The following CNOT1 variants were observed in gnomAD, a reference collection of about 807,000 sequenced individuals.
CNOT1 encodes CCR4-NOT transcription complex subunit 1.
In CNOT1, 15 loss-of-function variants were observed where a neutral mutation model predicts 273.8. The observed-to-expected ratio is 0.05, with a 90% CI of 0.04 to 0.08. CNOT1 has a LOEUF of 0.08. CNOT1 is among the 10% of genes least tolerant of loss of function. The pLI, the probability that CNOT1 is intolerant of heterozygous loss-of-function variation, is 1.00. For synonymous variants in CNOT1, 1,022 were observed against 1,005.5 expected, an observed-to-expected ratio of 1.02 and a Z score of -0.31; for missense variants, 1,644 against 2,912.2, an observed-to-expected ratio of 0.56 and a Z score of 10.02.
Position 58,559,155 on chromosome 16 carries a change from C to G in CNOT1, c.2131-481G>C, listed in dbSNP as rs181985583. Among the ~76,000 whole-genome samples the G allele has an allele frequency of 3.2e-3, 490 of 152,232 alleles. 2 individuals carry two copies. The highest frequency in any genetic ancestry group is 0.011 in the African/African-American group (466 of 41,544). On this transcript the variant is annotated intron_variant, in intron 17 of 48. Coordinates refer to ENST00000317147, the MANE Select transcript of CNOT1 (RefSeq NM_016284.5). ...TATGTTTTGACTCAACACGTAGCATCAGATCAGGTATGGAATTTTCTACTT... is the reference window on the plus strand; with the variant it reads ...TATGTTTTGACTCAACACGTAGCATGAGATCAGGTATGGAATTTTCTACTT...
At chr16:58,546,816 T>C (rs2040270428) in intron 27 of CNOT1, 67 bp from the exon 28 acceptor site, 5 of 1,595,404 alleles carry the variant, frequency 3.1e-6, no homozygotes, top group Non-Finnish European at 3.4e-6. Flanking sequence ...TTTAAAACAA[T>C]TCAATACAAC....
chr16:58,548,474 AT>A lies in CNOT1; in HGVS notation c.3523-793del, dbSNP rs1192832955. On this transcript the variant is annotated intron_variant, in intron 25 of 48. Transcript: ENST00000317147. ...TTTATGTATCCCAACCACCCTTGCT[AT>A]CAGATAATAAAAACGAAATAGAGCC... is the stretch of plus-strand genomic sequence containing the variant. 2 of 510,394 alleles carry A rather than the reference AT, an allele frequency of 3.9e-6. 1 individual carries two copies. The highest frequency in any genetic ancestry group is 6.5e-4 in the Middle Eastern group (2 of 3,092). The allele number at this position is 510,394 out of a possible 1,614,324, so 31.6% of individuals were successfully genotyped here. A position where few individuals can be genotyped will look rare whatever the true frequency, so the allele number is the denominator to read the frequency against.
intron 1 of CNOT1, among the ~76,000 whole-genome samples, chr16:58,604,621 T>TGA (rs1188507721): frequency 8.3e-6 from 1 of 120,858 alleles, no homozygotes; most frequent in Non-Finnish European, 1.7e-5. Context: ...ATCTCTGCTA[T>TGA]AAAAAAAAAA....
At chr16:58,613,149 G>A (rs919874309) in intron 1 of CNOT1, among the ~76,000 whole-genome samples, 8 of 151,936 alleles carry the variant, frequency 5.3e-5, no homozygotes, top group Non-Finnish European at 1.2e-4. Context: ...CTCCTGCCTC[G>A]GGATCCTAAG....
intron 1 of CNOT1, among the ~76,000 whole-genome samples, chr16:58,626,406 CAAAAAAAAAAAA>C (rs34556623): frequency 1.6e-4 from 10 of 60,982 alleles, no homozygotes; most frequent in South Asian, 1.7e-3. Flanking sequence ...GACTGCGTCT[CAAAAAAAAAAAA>C]AAAAAAAAAA....
At chr16:58,533,811 C>T (rs1389178406) in intron 40 of CNOT1, among the ~76,000 whole-genome samples, 1 of 151,800 alleles carries the variant, frequency 6.6e-6, no homozygotes, top group Non-Finnish European at 1.5e-5. Context: ...GGCGACAGAG[C>T]GAGACTCCAT....
chr16:58,545,621 G>T, intron 29 of CNOT1, 130 bp from the exon 30 acceptor site: 2 of 1,398,690 alleles, frequency 1.4e-6, no homozygotes, highest in Non-Finnish European at 1.9e-6. Flanking sequence ...GAAGGATGTA[G>T]CAGGTCCTAT....
chr16:58,564,783 TAA>T (rs1433932740), intron 16 of CNOT1, among the ~76,000 whole-genome samples: 3 of 151,870 alleles, frequency 2.0e-5, no homozygotes, highest in African/African-American at 7.3e-5. Flanking sequence ...TGCAAAAAAT[TAA>T]TTAGCTGGGC....
intron 25 of CNOT1, among the ~76,000 whole-genome samples, chr16:58,549,104 T>C (rs986011627): frequency 1.3e-5 from 2 of 151,870 alleles, no homozygotes; most frequent in Non-Finnish European, 2.9e-5. Context: ...GCCTGGCCAA[T>C]ATGATTAAAC....
chr16:58,534,414 A>G lies in CNOT1; in HGVS notation c.5647-19T>C, dbSNP rs200329779. On this transcript the variant is annotated intron_variant, in intron 39 of 48. Coordinates refer to ENST00000317147, the MANE Select transcript of CNOT1 (RefSeq NM_016284.5). ...GGTGCATCTACAACAGGAACAAAAA[A>G]TAAAGACACAATGAGGTAACACACA... 2.5e-6 allele frequency: 4 copies of G among 1,610,300 alleles called. No individual in the cohort carries two copies. The African/African-American group carries it at 5.3e-5, about 21-fold the overall frequency.
intron 2 of CNOT1, among the ~76,000 whole-genome samples, chr16:58,594,703 G>A (rs950012763): frequency 2.0e-5 from 3 of 151,868 alleles, no homozygotes; most frequent in African/African-American, 4.8e-5. Context: ...TGGGGAGGGA[G>A]AGGCTTGGAA....
At chr16:58,601,585 C>G (rs2042464801) in intron 1 of CNOT1, among the ~76,000 whole-genome samples, 1 of 152,056 alleles carries the variant, frequency 6.6e-6, no homozygotes, top group Non-Finnish European at 1.5e-5. Flanking sequence ...CCATTTAAAA[C>G]CTTTATCTCT....
At position 58,520,663 on chromosome 16, in the gene CNOT1, C is replaced by T; in HGVS notation, c.*295G>A. 2 of 415,222 alleles carry T rather than the reference C, an allele frequency of 4.8e-6. No homozygotes were observed. Among genetic ancestry groups the T allele is most frequent in the Non-Finnish European group, 8.9e-6 (2 of 223,840 alleles). The allele number at this position is 415,222 out of a possible 1,614,324, so 25.7% of individuals were successfully genotyped here. On this transcript the variant is annotated 3_prime_UTR_variant, in exon 49 of 49. Transcript: ENST00000317147. ...GTTTATGTACTTGCCTTGGACACAG[C>T]TTGCACAAAGCCAAGAAGTTCCAGA... is the stretch of plus-strand genomic sequence containing the variant.
rs1324553210 is a variant in CNOT1 at position 58,551,818 on chromosome 16, T to G, written c.2972A>C (p.Tyr991Ser). Reference sequence around the variant, plus strand: ...TCTAGACTGCTGTCCATACTCAATATACTAAAAGGGTAGGGAGAGGAAAAA... The same window carrying G: ...TCTAGACTGCTGTCCATACTCAATAGACTAAAAGGGTAGGGAGAGGAAAAA... The part of the protein sequence containing the change: ...FMQFPHHLQE[Y>S]IEYGQQSRDP... Residue 991 changes from tyrosine (Y) to serine (S), a missense_variant and splice_region_variant, in exon 23 of 49, where the codon TAT (tyrosine) becomes TCT (serine). This residue lies in a region of CNOT1 where 77 missense variants were observed against 90.5 expected (regional missense o/e 0.85). Coordinates refer to ENST00000317147, the MANE Select transcript of CNOT1 (RefSeq NM_016284.5). The G allele has an allele frequency of 6.2e-7, 1 of 1,614,088 alleles. No homozygotes were observed.
At chr16:58,524,736 C>T (rs1053004010) in intron 46 of CNOT1, among the ~76,000 whole-genome samples, 1 of 152,060 alleles carries the variant, frequency 6.6e-6, no homozygotes, top group African/African-American at 2.4e-5. Context: ...AAGCTGCAAC[C>T]TGCAACAGGA....
At position 58,571,990 on chromosome 16, in the gene CNOT1, T is replaced by TA. The variant is rs563628870; in HGVS notation, c.1979+2618dup. Among the ~76,000 whole-genome samples the TA allele has an allele frequency of 4.0e-3, 597 of 150,482 alleles. 7 individuals carry two copies. Among genetic ancestry groups the TA allele is most frequent in the East Asian group, 0.012 (60 of 5,088 alleles). On this transcript the variant is annotated intron_variant, in intron 16 of 48. Coordinates refer to ENST00000317147, the MANE Select transcript of CNOT1 (RefSeq NM_016284.5). Reference sequence around the variant, plus strand: ...TCTCAGAAAAATAAAAAATTAAAAATAAAAAAAATTGGGCTGGGCGTGGTG... The same window carrying TA: ...TCTCAGAAAAATAAAAAATTAAAAATAAAAAAAAATTGGGCTGGGCGTGGTG...
At chr16:58,618,925 G>C (rs935693225) in intron 1 of CNOT1, among the ~76,000 whole-genome samples, 1 of 152,152 alleles carries the variant, frequency 6.6e-6, no homozygotes, top group Non-Finnish European at 1.5e-5. Context: ...AGGCATGGTG[G>C]CTCCCGCCTG....
At chr16:58,607,222 T>C (rs941624454) in intron 1 of CNOT1, among the ~76,000 whole-genome samples, 3 of 152,156 alleles carry the variant, frequency 2.0e-5, no homozygotes, top group Admixed American at 6.6e-5. Flanking sequence ...GTGTAACATA[T>C]GGATAGTATT....
At position 58,531,536 on chromosome 16, in the gene CNOT1, C is replaced by T. The variant is rs111804114; in HGVS notation, c.6177+422G>A. 2.7e-3 allele frequency among the ~76,000 whole-genome samples: 415 copies of T among 152,240 alleles called. 2 individuals carry two copies. Among genetic ancestry groups the T allele is most frequent in the African/African-American group, 9.4e-3 (390 of 41,534 alleles). Reference sequence around the variant, plus strand: ...TCTGTAAAACCAACAAGCTCCAGAGCCCTGTTACCCAGAGATTTATTCAGA... The same window carrying T: ...TCTGTAAAACCAACAAGCTCCAGAGTCCTGTTACCCAGAGATTTATTCAGA... On this transcript the variant is annotated intron_variant, in intron 42 of 48. Transcript: ENST00000317147.
Sources: gnomAD v4.1 joint callset for allele counts (sites outside exome capture counted in the v4.1 genomes callset) on GRCh38, gnomAD v4.1.1 for gene constraint, gnomAD v4.1.1 regional missense constraint, MANE v1.5 for transcripts, NCBI Gene and HGNC (gene_info 2026-07-23, HGNC 2026-07-21) for gene names.